MCUB: variants seen among roughly 807,000 people sequenced by gnomAD.
MCUB encodes the protein mitochondrial calcium uniporter dominant negative subunit beta.
Under a neutral mutation model 41.4 loss-of-function variants are expected in MCUB, and 46 were observed. The observed-to-expected ratio is 1.11, with a 90% confidence interval of 0.88 to 1.42. The LOEUF is 1.42. MCUB is among the 40% of genes most tolerant of loss of function. MCUB has a pLI of 0.00. For synonymous variants in MCUB, 148 were observed against 148.2 expected, an observed-to-expected ratio of 1.00 and a Z score of 0.01; for missense variants, 403 against 404.9, an observed-to-expected ratio of 1.00 and a Z score of 0.04.
chr4:109,667,776 A>G (rs558512567), intron 4 of MCUB, among the ~76,000 whole-genome samples: 130 of 151,268 alleles, frequency 8.6e-4, no homozygotes, highest in Non-Finnish European at 1.5e-3. Flanking sequence ...CTTTCCTGTT[A>G]TATGTATTCA....
At chr4:109,586,174 G>A (rs375710825) in intron 1 of MCUB, among the ~76,000 whole-genome samples, 17 of 152,080 alleles carry the variant, frequency 1.1e-4, no homozygotes, top group African/African-American at 3.9e-4. Context: ...TTCTCTAAAC[G>A]TCTCTTCTTG....
chr4:109,585,901 G>A (rs1277680162), intron 1 of MCUB, among the ~76,000 whole-genome samples: 2 of 152,094 alleles, frequency 1.3e-5, no homozygotes, highest in African/African-American at 2.4e-5. Context: ...TTCAACATTG[G>A]TGAGTCTGAC....
In MCUB at chr4:109,637,766, G is replaced by A. The variant is rs569199419; in HGVS notation, c.100-21245G>A. On this transcript the variant is annotated intron_variant, in intron 1 of 7. Transcript: ENST00000394650. ...GACTCGGGAAAATGGTGGGAGGGGG[G>A]TGAGGGAATATACTACACACTGGGT... Among the ~76,000 whole-genome samples the A allele has an allele frequency of 5.9e-5, 9 of 152,270 alleles. No individual in the cohort carries two copies. In the South Asian group the frequency reaches 8.3e-4, roughly 14 times the overall value.
rs932017318 is a variant in MCUB, at chr4:109,688,352, C to CTGTT, written c.*764_*767dup. ...GTGAATGGGTCTGATGACTGTTGGA[C>CTGTT]TGTTTGTAGGAACTTAACATGGAAG... On this transcript the variant is annotated 3_prime_UTR_variant, in exon 8 of 8. Coordinates refer to ENST00000394650, the MANE Select transcript of MCUB (RefSeq NM_017918.5). 4 of 152,204 alleles carry CTGTT rather than the reference C, an allele frequency of 2.6e-5. No individual in the cohort carries two copies. Among genetic ancestry groups the CTGTT allele is most frequent in the South Asian group, 2.1e-4 (1 of 4,830 alleles). 9.4% of individuals were successfully genotyped at this position (152,204 alleles called of 1,614,324 possible).
At position 109,586,279 on chromosome 4, in the gene MCUB, C is replaced by T. The variant is rs181083207; in HGVS notation, c.99+25843C>T. Among the ~76,000 whole-genome samples the T allele has an allele frequency of 4.3e-3, 653 of 152,246 alleles. 9 individuals carry two copies. The highest frequency in any genetic ancestry group is 0.015 in the African/African-American group (620 of 41,528). Reference sequence around the variant, plus strand: ...GCTTGTGTGTGTGTCACATGGTTCTCGTGCCATGGTTTTCAGTTCCATCAG... The same window carrying T: ...GCTTGTGTGTGTGTCACATGGTTCTTGTGCCATGGTTTTCAGTTCCATCAG... On this transcript the variant is annotated intron_variant, in intron 1 of 7. Transcript: ENST00000394650.
At chr4:109,634,255 G>T (rs1344372059) in intron 1 of MCUB, among the ~76,000 whole-genome samples, 1 of 151,954 alleles carries the variant, frequency 6.6e-6, no homozygotes, top group Non-Finnish European at 1.5e-5. Context: ...GGCCGAGGTG[G>T]GTGGATCATC....
At chr4:109,632,391 A>G (rs981403312) in intron 1 of MCUB, among the ~76,000 whole-genome samples, 3 of 152,166 alleles carry the variant, frequency 2.0e-5, no homozygotes, top group Admixed American at 1.3e-4. Flanking sequence ...TCTGAATTTT[A>G]GACTTACCAT....
intron 3 of MCUB, among the ~76,000 whole-genome samples, chr4:109,661,123 G>T (rs768816405): frequency 6.6e-6 from 1 of 152,126 alleles, no homozygotes; most frequent in Non-Finnish European, 1.5e-5. Context: ...TTCTTAGGAA[G>T]AATATACATT....
At chr4:109,654,888 A>G (rs1207039671) in intron 1 of MCUB, among the ~76,000 whole-genome samples, 8 of 152,178 alleles carry the variant, frequency 5.3e-5, no homozygotes, top group South Asian at 2.1e-4. Context: ...TCCAAACACC[A>G]TCTGGGTGCC....
chr4:109,678,046 C>T (rs1320898156), intron 4 of MCUB, among the ~76,000 whole-genome samples: 2 of 151,910 alleles, frequency 1.3e-5, no homozygotes, highest in African/African-American at 4.8e-5. Flanking sequence ...CTTCAGGCAT[C>T]TGTTTAACAA....
chr4:109,636,364 A>G (rs1728589093), intron 1 of MCUB, among the ~76,000 whole-genome samples: 1 of 152,228 alleles, frequency 6.6e-6, no homozygotes, highest in African/African-American at 2.4e-5. Context: ...AGTTGAAGCA[A>G]CGTGACTAGA....
At chr4:109,577,934 A>G (rs898060272) in intron 1 of MCUB, among the ~76,000 whole-genome samples, 2 of 152,146 alleles carry the variant, frequency 1.3e-5, no homozygotes, top group African/African-American at 2.4e-5. Context: ...TTTAAGACCT[A>G]TGAGATTAAA....
chr4:109,592,746 T>C (rs1727467095), intron 1 of MCUB, among the ~76,000 whole-genome samples: 1 of 152,234 alleles, frequency 6.6e-6, no homozygotes, highest in Non-Finnish European at 1.5e-5. Context: ...TTAAATGAAA[T>C]ACATGTATCC....
chr4:109,579,407 G>A (rs1381779821), intron 1 of MCUB, among the ~76,000 whole-genome samples: 1 of 151,932 alleles, frequency 6.6e-6, no homozygotes, highest in Non-Finnish European at 1.5e-5. Context: ...ATGCCACCAC[G>A]CCCAGCTAAT....
At chr4:109,674,680 T>G (rs546542073) in intron 4 of MCUB, among the ~76,000 whole-genome samples, 1 of 152,352 alleles carries the variant, frequency 6.6e-6, no homozygotes, top group African/African-American at 2.4e-5. Context: ...AATATTAGTA[T>G]TTATTAAAGA....
chr4:109,595,033 C>A (rs1434015408), intron 1 of MCUB, among the ~76,000 whole-genome samples: 4 of 151,380 alleles, frequency 2.6e-5, no homozygotes, highest in African/African-American at 9.7e-5. Flanking sequence ...TTATTCCAAC[C>A]GAAATAACAA....
intron 1 of MCUB, among the ~76,000 whole-genome samples, chr4:109,645,513 GA>G (rs4035594): frequency 0.26 from 36,657 of 142,924 alleles, 4,856 homozygotes; most frequent in South Asian, 0.34. Context: ...CATTAAAAAA[GA>G]AAAAAAAAAA....
intron 1 of MCUB, among the ~76,000 whole-genome samples, chr4:109,644,309 A>G (rs1269723475): frequency 6.6e-6 from 1 of 152,234 alleles, no homozygotes; most frequent in East Asian, 1.9e-4. Context: ...AACTTGGAAA[A>G]TAGAGAAGAC....
intron 1 of MCUB, among the ~76,000 whole-genome samples, chr4:109,636,829 CA>C (rs1258284412): frequency 6.6e-6 from 1 of 152,086 alleles, no homozygotes; most frequent in Non-Finnish European, 1.5e-5. Flanking sequence ...AGTGAGACTC[CA>C]TCTCAAAAAA....
Sources: gnomAD v4.1 joint callset for allele counts (sites outside exome capture counted in the v4.1 genomes callset) on GRCh38, gnomAD v4.1.1 for gene constraint, MANE v1.5 for transcripts, NCBI Gene and HGNC (gene_info 2026-07-23, HGNC 2026-07-21) for gene names.